CSGALNACT1: variants seen among roughly 807,000 people sequenced by gnomAD.
CSGALNACT1 encodes the protein chondroitin sulfate N-acetylgalactosaminyltransferase 1, also known as beta4GalNAcT-1.
In CSGALNACT1, 52 loss-of-function variants were observed where a neutral mutation model predicts 51.0. The observed-to-expected ratio is 1.02, with a 90% confidence interval of 0.82 to 1.29. The LOEUF (loss-of-function observed/expected upper bound fraction) is 1.29, where lower values mean the gene tolerates loss of function less well. CSGALNACT1 is among the 50% of genes most tolerant of loss of function. CSGALNACT1 has a pLI of 0.00. For synonymous variants in CSGALNACT1, 341 were observed against 254.4 expected, an observed-to-expected ratio of 1.34 and a Z score of -3.24; for missense variants, 935 against 679.2, an observed-to-expected ratio of 1.38 and a Z score of -4.19.
intron 4 of CSGALNACT1, among the ~76,000 whole-genome samples, chr8:19,480,029 A>G (rs2070918492): frequency 6.6e-6 from 1 of 152,194 alleles, no homozygotes; most frequent in Non-Finnish European, 1.5e-5. Flanking sequence ...TTTTGTTTGA[A>G]TTACAAATAA....
At chr8:19,473,096 C>A (rs1198550007) in intron 4 of CSGALNACT1, among the ~76,000 whole-genome samples, 1 of 152,150 alleles carries the variant, frequency 6.6e-6, no homozygotes, top group Non-Finnish European at 1.5e-5. Flanking sequence ...ATTAAATATG[C>A]TTGAAAGCAG....
chr8:19,625,376 C>T (rs1457582028), intron 1 of CSGALNACT1, among the ~76,000 whole-genome samples: 2 of 152,208 alleles, frequency 1.3e-5, no homozygotes, highest in Admixed American at 1.3e-4. Context: ...ATGTCATTCT[C>T]CTCATTTTAT....
intron 4 of CSGALNACT1, among the ~76,000 whole-genome samples, chr8:19,492,537 GA>G (rs1587134555): frequency 6.6e-6 from 1 of 152,160 alleles, no homozygotes; most frequent in East Asian, 1.9e-4. Context: ...TACCCTGCTG[GA>G]GCTAGCCTGC....
intron 1 of CSGALNACT1, among the ~76,000 whole-genome samples, chr8:19,621,480 A>C (rs2053818532): frequency 6.6e-6 from 1 of 152,132 alleles, no homozygotes; most frequent in Admixed American, 6.5e-5. Context: ...TCTTCTAATA[A>C]TATATTATTA....
intron 3 of CSGALNACT1, among the ~76,000 whole-genome samples, chr8:19,571,845 G>T (rs1413146707): frequency 6.6e-6 from 1 of 152,220 alleles, no homozygotes; most frequent in Non-Finnish European, 1.5e-5. Context: ...GAAAGCTAAT[G>T]TATGACATGC....
At chr8:19,653,624 T>G (rs757225098) in intron 1 of CSGALNACT1, among the ~76,000 whole-genome samples, 16 of 152,040 alleles carry the variant, frequency 1.1e-4, no homozygotes, top group Non-Finnish European at 1.9e-4. Context: ...TGAGATCCCA[T>G]TTCTACAAAA....
intron 1 of CSGALNACT1, among the ~76,000 whole-genome samples, chr8:19,720,828 T>A (rs2063083999): frequency 6.6e-6 from 1 of 152,222 alleles, no homozygotes; most frequent in African/African-American, 2.4e-5. Context: ...TTTGGTTGCA[T>A]GTTTTAAAAC....
intron 4 of CSGALNACT1, among the ~76,000 whole-genome samples, chr8:19,493,197 A>G (rs961302697): frequency 6.6e-6 from 1 of 152,068 alleles, no homozygotes; most frequent in African/African-American, 2.4e-5. Context: ...GCCTCCCCCA[A>G]CCTTCTATTT....
intron 3 of CSGALNACT1, among the ~76,000 whole-genome samples, chr8:19,545,664 G>GA (rs940466288): frequency 9.9e-5 from 15 of 151,912 alleles, no homozygotes; most frequent in African/African-American, 3.1e-4. Flanking sequence ...CAATAAGGGA[G>GA]AAAAAACGTA....
At chr8:19,508,925 T>G (rs376948988) in intron 3 of CSGALNACT1, among the ~76,000 whole-genome samples, 17 of 152,256 alleles carry the variant, frequency 1.1e-4, no homozygotes, top group African/African-American at 3.9e-4. Context: ...CTAGTTTGGC[T>G]TTTGAAATTC....
At chr8:19,696,275 C>A (rs903624862) in intron 1 of CSGALNACT1, among the ~76,000 whole-genome samples, 5 of 152,210 alleles carry the variant, frequency 3.3e-5, no homozygotes, top group Admixed American at 1.3e-4. Flanking sequence ...TCAAACACCA[C>A]TGTAGCATCT....
intron 4 of CSGALNACT1, among the ~76,000 whole-genome samples, chr8:19,465,288 G>C (rs1563549730): frequency 2.0e-5 from 3 of 152,194 alleles, no homozygotes; most frequent in Admixed American, 6.5e-5. Context: ...GAGGTACTTA[G>C]AGTAGTCAAG....
upstream of CSGALNACT1, among the ~76,000 whole-genome samples, chr8:19,605,391 G>T (rs1318715923): frequency 6.6e-6 from 1 of 152,156 alleles, no homozygotes; most frequent in African/African-American, 2.4e-5. Flanking sequence ...AGCTGAGACG[G>T]TGCCACTGCA....
intron 4 of CSGALNACT1, among the ~76,000 whole-genome samples, chr8:19,484,271 A>G (rs1586951768): frequency 9.1e-6 from 1 of 109,654 alleles, no homozygotes; most frequent in Non-Finnish European, 2.0e-5. Flanking sequence ...ACCGAATAAG[A>G]AAAAAATCAC....
chr8:19,408,468 CTTTTT>C (rs1186216767), intron 9 of CSGALNACT1, 140 bp downstream of exon 8: 15 of 469,504 alleles, frequency 3.2e-5, no homozygotes, highest in Admixed American at 8.3e-5. Context: ...TCTGGAATAG[CTTTTT>C]TTTTTTTTTT....
intron 4 of CSGALNACT1, among the ~76,000 whole-genome samples, chr8:19,471,578 T>C (rs2068185955): frequency 2.6e-5 from 4 of 152,174 alleles, no homozygotes; most frequent in Admixed American, 6.5e-5. Flanking sequence ...AGGACTGAAG[T>C]TGCTGTGGAC....
chr8:19,669,934 T>C (rs1032091539), intron 1 of CSGALNACT1, among the ~76,000 whole-genome samples: 2 of 152,208 alleles, frequency 1.3e-5, no homozygotes, highest in Non-Finnish European at 2.9e-5. Context: ...TGCAGTCCTG[T>C]GGACAAACAA....
At chr8:19,679,802 G>A (rs1248840047) in intron 1 of CSGALNACT1, among the ~76,000 whole-genome samples, 2 of 152,154 alleles carry the variant, frequency 1.3e-5, no homozygotes, top group African/African-American at 2.4e-5. Context: ...GAGGAAGCCA[G>A]AGTCCCGGCA....
chr8:19,442,841 A>T (rs966630574), intron 5 of CSGALNACT1, among the ~76,000 whole-genome samples: 8 of 152,082 alleles, frequency 5.3e-5, no homozygotes, highest in African/African-American at 1.9e-4. Flanking sequence ...TTAAAGACTG[A>T]ATGAGCAAAG....
Sources: allele counts gnomAD v4.1 joint callset (sites outside exome capture counted in the v4.1 genomes callset), GRCh38; gene constraint gnomAD v4.1.1; transcripts MANE v1.5; gene names NCBI Gene and HGNC (gene_info 2026-07-23, HGNC 2026-07-21).